DIPK1A: variants seen among roughly 807,000 people sequenced by gnomAD.
DIPK1A encodes divergent protein kinase domain 1A, also known as family with sequence similarity 69 member A.
Under a neutral mutation model 40.8 loss-of-function variants are expected in DIPK1A, and 27 were observed. That is an observed-to-expected ratio of 0.66 (90% CI 0.49 to 0.91). The LOEUF is 0.91. DIPK1A is among the 40% of genes least tolerant of loss of function. The pLI is 0.00. For synonymous variants in DIPK1A, 166 were observed against 171.3 expected, an observed-to-expected ratio of 0.97 and a Z score of 0.24; for missense variants, 412 against 505.7, an observed-to-expected ratio of 0.81 and a Z score of 1.78.
intron 1 of DIPK1A, chr1:92,931,848 A>C (rs1557490411): frequency 2.4e-5 from 4 of 165,140 alleles, no homozygotes; most frequent in Non-Finnish European, 5.4e-5. Flanking sequence ...CATGAGATGA[A>C]GGAGTGAACC....
intron 1 of DIPK1A, among the ~76,000 whole-genome samples, chr1:92,893,527 G>A (rs1363010778): frequency 1.3e-4 from 20 of 151,736 alleles, no homozygotes; most frequent in East Asian, 3.9e-4. Context: ...AGGAACAACC[G>A]GTACCAGCCA....
intron 2 of DIPK1A, among the ~76,000 whole-genome samples, chr1:92,860,645 A>C (rs142750873): frequency 0.02 from 235 of 11,480 alleles, 12 homozygotes; most frequent in Non-Finnish European, 0.034. Flanking sequence ...AAAAAAAAAA[A>C]ATGGTGGTGT....
chr1:92,920,707 T>G lies in DIPK1A; in HGVS notation c.54+40669A>C, dbSNP rs546808301. 1.1e-4 allele frequency among the ~76,000 whole-genome samples: 17 copies of G among 152,350 alleles called. No individual in the cohort carries two copies. In the East Asian group the frequency reaches 3.3e-3, roughly 29 times the overall value. On this transcript the variant is annotated intron_variant, in intron 1 of 4. Coordinates refer to ENST00000370310, the MANE Select transcript of DIPK1A (RefSeq NM_001006605.5). ...CATGAAGCAGGGAACACTTGTTCTGTGGCTCCAGCATCCTCCTAGGAAAAA... is the reference window on the plus strand; with the variant it reads ...CATGAAGCAGGGAACACTTGTTCTGGGGCTCCAGCATCCTCCTAGGAAAAA...
At chr1:92,896,452 A>T (rs1395269860) in intron 1 of DIPK1A, among the ~76,000 whole-genome samples, 1 of 152,200 alleles carries the variant, frequency 6.6e-6, no homozygotes, top group African/African-American at 2.4e-5. Context: ...GGCTAGCCAT[A>T]TATAGAAAGC....
In DIPK1A at chr1:92,844,101, T is replaced by C; in HGVS notation, c.569A>G (p.Glu190Gly). The change falls in exon 5 of 5, where the codon GAA (glutamate) becomes GGA (glycine). Residue 190 changes from glutamate to glycine, a missense_variant. Glu to Gly is a moderately conservative substitution (Grantham distance 98). Transcript: ENST00000370310. The stretch of plus-strand genomic sequence containing the variant: ...AAGAAGTGCCCATGCCGACTTTGCT[T>C]CTCCCAAGGAAACCTGGCCATCTTT... ...GDKDGQVSLG[E>G]AKSAWALLQL... is the part of the protein sequence containing the mutation. 1 of 1,551,754 alleles carries C rather than the reference T, an allele frequency of 6.4e-7. No individual in the cohort carries two copies. The highest frequency in any genetic ancestry group is 8.7e-7 in the Non-Finnish European group (1 of 1,147,024).
chr1:92,959,950 T>G (rs1200525763), intron 1 of DIPK1A, among the ~76,000 whole-genome samples: 6 of 114,846 alleles, frequency 5.2e-5, no homozygotes, highest in Admixed American at 1.1e-4. Flanking sequence ...GAGGCGGGGT[T>G]TCACAATGTT....
At chr1:92,900,206 C>A (rs1015847251) in intron 1 of DIPK1A, among the ~76,000 whole-genome samples, 37 of 152,146 alleles carry the variant, frequency 2.4e-4, no homozygotes, top group Non-Finnish European at 5.1e-4. Flanking sequence ...GTTTTCTACA[C>A]CTTTTCCCTT....
Position 92,843,674 on chromosome 1 carries a change from C to G in DIPK1A, c.996G>C (p.Glu332Asp), listed in dbSNP as rs1037949918. 1 of 1,551,670 alleles carries G rather than the reference C, an allele frequency of 6.4e-7. No homozygotes were observed. Among genetic ancestry groups the G allele is most frequent in the African/African-American group, 1.4e-5 (1 of 73,060 alleles). Residue 332 changes from glutamate (E) to aspartate (D), a missense_variant, in exon 5 of 5, where the codon GAG becomes GAC. By Grantham distance (45) the Glu-to-Asp change is conservative. Coordinates refer to ENST00000370310, the MANE Select transcript of DIPK1A (RefSeq NM_001006605.5). ...LKELIKDRHC[E>D]SDLDCVYGTD... ...TGCCATAGACACAGTCCAAATCAGA[C>G]TCACAGTGACGATCCTTAATAAGTT...
chr1:92,947,192 C>T (rs1023561603), intron 1 of DIPK1A, among the ~76,000 whole-genome samples: 59 of 151,786 alleles, frequency 3.9e-4, no homozygotes, highest in African/African-American at 1.2e-3. Flanking sequence ...TTTTTCAAGG[C>T]GGGGAAATAC....
rs1186006802 is a variant in DIPK1A at position 92,844,055 on chromosome 1, G to A, written c.615C>T (p.Leu205=). 2.6e-6 allele frequency: 4 copies of A among 1,551,886 alleles called. No homozygotes were observed. The highest frequency in any genetic ancestry group is 3.5e-6 in the Non-Finnish European group (4 of 1,147,044). The change falls in exon 5 of 5, where the codon CTC becomes CTT. Residue 205 remains leucine (L), a synonymous_variant. Coordinates refer to ENST00000370310, the MANE Select transcript of DIPK1A (RefSeq NM_001006605.5). The part of the protein sequence containing the change: ...WALLQLNEFL[L]MVILQDKEHT... ...GTTCTTTATCTTGAAGTATCACCAT[G>A]AGAAGAAATTCATTCAGTTGAAGAA...
downstream of DIPK1A, chr1:92,841,988 G>A: frequency 1.1e-6 from 1 of 897,508 alleles, no homozygotes; most frequent in Non-Finnish European, 1.6e-6. Context: ...TTTTGGAAAA[G>A]CAAAGGAGTT....
downstream of DIPK1A, chr1:92,837,519 G>A: frequency 6.2e-7 from 1 of 1,612,442 alleles, no homozygotes; most frequent in Non-Finnish European, 8.5e-7. Flanking sequence ...TACATCGGAA[G>A]CACATCATGG....
intron 2 of DIPK1A, among the ~76,000 whole-genome samples, chr1:92,865,549 T>C (rs1647495349): frequency 6.6e-6 from 1 of 152,252 alleles, no homozygotes; most frequent in Non-Finnish European, 1.5e-5. Context: ...TTGGCTTTTC[T>C]GGGTGTACCA....
intron 1 of DIPK1A, among the ~76,000 whole-genome samples, chr1:92,956,475 C>T (rs1651858968): frequency 6.6e-6 from 1 of 152,160 alleles, no homozygotes; most frequent in Non-Finnish European, 1.5e-5. Flanking sequence ...GAGAACTATA[C>T]AAACTACAGA....
At chr1:92,849,491 G>T (rs572332848) in intron 3 of DIPK1A, among the ~76,000 whole-genome samples, 1 of 151,848 alleles carries the variant, frequency 6.6e-6, no homozygotes, top group Non-Finnish European at 1.5e-5. Context: ...GGGACCATAG[G>T]TGTGTGCCAC....
At chr1:92,940,024 A>G (rs1651092416) in intron 1 of DIPK1A, among the ~76,000 whole-genome samples, 1 of 152,176 alleles carries the variant, frequency 6.6e-6, no homozygotes, top group African/African-American at 2.4e-5. Context: ...AAGTACCTGT[A>G]TATTAAGCTG....
chr1:92,833,604 A>C (rs1232329456), intron 4 of DIPK1A: 2 of 1,612,624 alleles, frequency 1.2e-6, no homozygotes, highest in Non-Finnish European at 1.7e-6. Context: ...AAATAAATAC[A>C]ACACACCCAA....
chr1:92,924,390 T>C (rs146199523), intron 1 of DIPK1A, among the ~76,000 whole-genome samples: 2 of 152,266 alleles, frequency 1.3e-5, no homozygotes, highest in African/African-American at 4.8e-5. Context: ...TTGAGAATGG[T>C]ATCCTTGCCT....
intron 1 of DIPK1A, among the ~76,000 whole-genome samples, chr1:92,879,356 G>A (rs529209453): frequency 6.6e-6 from 1 of 152,162 alleles, no homozygotes; most frequent in Non-Finnish European, 1.5e-5. Flanking sequence ...TAATGGTTCT[G>A]TGACAATATT....
Sources: gnomAD v4.1 joint callset for allele counts (sites outside exome capture counted in the v4.1 genomes callset) on GRCh38, gnomAD v4.1.1 for gene constraint, MANE v1.5 for transcripts, NCBI Gene and HGNC (gene_info 2026-07-23, HGNC 2026-07-21) for gene names.